The following FLVCR2 variants were observed in gnomAD, a reference collection of about 807,000 sequenced individuals.
FLVCR2 encodes choline/ethanolamine transporter FLVCR2.
Under a neutral mutation model 48.9 loss-of-function variants are expected in FLVCR2, and 38 were observed. That is an observed-to-expected ratio of 0.78 (90% CI 0.60 to 1.02). FLVCR2 has a LOEUF of 1.02. Ranked by LOEUF, FLVCR2 falls within the 50% of genes least tolerant of loss-of-function variation. FLVCR2 has a pLI of 0.00. For missense variants in FLVCR2, 664 were observed against 663.3 expected (o/e 1.00, Z -0.01); for synonymous variants, 255 against 257.0 (o/e 0.99, Z 0.07).
chr14:75,631,630 GT>G, intron 3 of FLVCR2: 1 of 368,524 alleles, frequency 2.7e-6, no homozygotes, highest in Non-Finnish European at 5.4e-6. Context: ...CTAAGCCTGA[GT>G]TGGAACATTC....
intron 2 of FLVCR2, 121 bp from the exon 3 acceptor site, chr14:75,624,491 C>T: frequency 8.7e-7 from 1 of 1,146,080 alleles, no homozygotes; most frequent in Non-Finnish European, 1.3e-6. Context: ...TAAAGAATTA[C>T]TATTTCCTTT....
At chr14:75,603,543 G>A (rs920127904) in intron 1 of FLVCR2, among the ~76,000 whole-genome samples, 5 of 152,172 alleles carry the variant, frequency 3.3e-5, no homozygotes, top group Admixed American at 6.5e-5. Flanking sequence ...CAATTCGTTT[G>A]TGCTATCTGA....
intron 1 of FLVCR2, among the ~76,000 whole-genome samples, chr14:75,587,185 G>C (rs1050694702): frequency 2.6e-5 from 4 of 152,084 alleles, no homozygotes; most frequent in African/African-American, 9.7e-5. Context: ...GCAGGAGAGG[G>C]AACTGTGATC....
At position 75,607,883 on chromosome 14, in the gene FLVCR2, C is replaced by T. The variant is rs943234476; in HGVS notation, c.670-14196C>T. ...ATGCCAGGAGTTTAAGGCCAGTCTT[C>T]GCAACATAGTGAGACTCTATCTCTA... On this transcript the variant is annotated intron_variant, in intron 1 of 9. Coordinates refer to ENST00000238667, the MANE Select transcript of FLVCR2 (RefSeq NM_017791.3). Among the ~76,000 whole-genome samples the T allele has an allele frequency of 5.3e-5, 8 of 151,964 alleles. No individual in the cohort carries two copies. In the East Asian group the frequency reaches 5.8e-4, roughly 11 times the overall value.
At chr14:75,630,144 A>G (rs143448064) in intron 3 of FLVCR2, among the ~76,000 whole-genome samples, 1 of 152,140 alleles carries the variant, frequency 6.6e-6, no homozygotes, top group African/African-American at 2.4e-5. Flanking sequence ...TGCTTGATTG[A>G]ATGTGTGCAT....
chr14:75,592,019 T>G (rs1208087045), intron 1 of FLVCR2, among the ~76,000 whole-genome samples: 1 of 151,826 alleles, frequency 6.6e-6, no homozygotes, highest in Non-Finnish European at 1.5e-5. Context: ...TTTGTAGAGA[T>G]GAGGTCTTGC....
At chr14:75,600,540 T>C (rs1889139591) in intron 1 of FLVCR2, among the ~76,000 whole-genome samples, 1 of 152,200 alleles carries the variant, frequency 6.6e-6, no homozygotes, top group Non-Finnish European at 1.5e-5. Flanking sequence ...CAGAACCCCT[T>C]TCCAGTAACA....
At chr14:75,631,043 G>A (rs897559952) in intron 3 of FLVCR2, among the ~76,000 whole-genome samples, 1 of 152,180 alleles carries the variant, frequency 6.6e-6, no homozygotes, top group Non-Finnish European at 1.5e-5. Flanking sequence ...AACTGTGTCT[G>A]GCAAACTTTG....
chr14:75,581,146 T>C (rs1888594260), intron 1 of FLVCR2, among the ~76,000 whole-genome samples: 1 of 152,028 alleles, frequency 6.6e-6, no homozygotes, highest in African/African-American at 2.4e-5. Context: ...AGAAGAAACA[T>C]TGGTCGTATA....
intron 1 of FLVCR2, among the ~76,000 whole-genome samples, chr14:75,586,373 G>T (rs1239472517): frequency 1.3e-5 from 2 of 151,562 alleles, no homozygotes; most frequent in Non-Finnish European, 3.0e-5. Flanking sequence ...AAATCACAAT[G>T]ATGGAATGTC....
In FLVCR2 at chr14:75,579,193, A is replaced by G. The variant is rs1888531931; in HGVS notation, c.221A>G (p.Asp74Gly). 2 of 1,613,946 alleles carry G rather than the reference A, an allele frequency of 1.2e-6. No homozygotes were observed. Among genetic ancestry groups the G allele is most frequent in the South Asian group, 2.2e-5 (2 of 91,076 alleles). Residue 74 changes from aspartate (D) to glycine (G), a missense_variant, in exon 1 of 10, where the codon GAC becomes GGC. Coordinates refer to ENST00000238667, the MANE Select transcript of FLVCR2 (RefSeq NM_017791.3). Reference sequence around the variant, plus strand: ...CACCCCAGTAGCTCGGGCCCTGAGGACCTCAGCGTGATCAAGGTGAGCAGG... The same window carrying G: ...CACCCCAGTAGCTCGGGCCCTGAGGGCCTCAGCGTGATCAAGGTGAGCAGG... The part of the protein sequence containing the change: ...LAHPSSSGPE[D>G]LSVIKVSRRR...
intron 3 of FLVCR2, among the ~76,000 whole-genome samples, chr14:75,626,679 G>A (rs1396292741): frequency 6.6e-6 from 1 of 151,900 alleles, no homozygotes; most frequent in Non-Finnish European, 1.5e-5. Flanking sequence ...AAGCATAGAT[G>A]GGACTAACCA....
chr14:75,644,243 G>A (rs957285688), intron 9 of FLVCR2, among the ~76,000 whole-genome samples: 5 of 152,208 alleles, frequency 3.3e-5, no homozygotes, highest in South Asian at 2.1e-4. Context: ...GCTTCCCAGA[G>A]ATAACCTAGT....
At chr14:75,616,443 C>T (rs1487513251) in intron 1 of FLVCR2, among the ~76,000 whole-genome samples, 1 of 152,154 alleles carries the variant, frequency 6.6e-6, no homozygotes, top group African/African-American at 2.4e-5. Context: ...GCCTCAGGGA[C>T]TCTGGTGCAA....
chr14:75,605,924 T>C (rs1178148384), intron 1 of FLVCR2: 1 of 424,626 alleles, frequency 2.4e-6, no homozygotes, highest in African/African-American at 2.0e-5. Flanking sequence ...TGGGTCTCCT[T>C]TGGCGGCTCT....
intron 3 of FLVCR2, among the ~76,000 whole-genome samples, chr14:75,633,172 G>A (rs1465722546): frequency 6.6e-6 from 1 of 152,194 alleles, no homozygotes; most frequent in Non-Finnish European, 1.5e-5. Context: ...GAGGAATGGA[G>A]AAAGAGGAGA....
chr14:75,617,910 T>C (rs1377832942), intron 1 of FLVCR2, among the ~76,000 whole-genome samples: 1 of 152,170 alleles, frequency 6.6e-6, no homozygotes, highest in Non-Finnish European at 1.5e-5. Context: ...GATATCTGCA[T>C]TGACTAGCTG....
At chr14:75,594,439 C>A (rs1323514882) in intron 1 of FLVCR2, among the ~76,000 whole-genome samples, 1 of 152,212 alleles carries the variant, frequency 6.6e-6, no homozygotes, top group Non-Finnish European at 1.5e-5. Flanking sequence ...CATCAGACTA[C>A]TTCATGGTAT....
intron 1 of FLVCR2, among the ~76,000 whole-genome samples, chr14:75,614,213 G>A (rs1197947794): frequency 6.6e-6 from 1 of 152,200 alleles, no homozygotes; most frequent in South Asian, 2.1e-4. Context: ...CCTCAACCAT[G>A]CTTTTTAAAG....
Sources: gnomAD v4.1 joint callset for allele counts (sites outside exome capture counted in the v4.1 genomes callset) on GRCh38, gnomAD v4.1.1 for gene constraint, MANE v1.5 for transcripts, NCBI Gene and HGNC (gene_info 2026-07-23, HGNC 2026-07-21) for gene names.